The following NRG3 variants were observed in gnomAD, a reference collection of about 807,000 sequenced individuals.
NRG3 encodes the protein neuregulin 3.
NRG3 carries 31 observed loss-of-function variants against 66.9 expected under a neutral mutation model. The observed-to-expected ratio is 0.46, with a 90% CI of 0.35 to 0.63. The LOEUF is 0.63. Among genes scored for constraint, NRG3 ranks in the 20% least tolerant of loss-of-function variants. The pLI, the probability that NRG3 is intolerant of heterozygous loss-of-function variation, is 0.00. For missense variants in NRG3, 910 were observed against 878.9 expected (o/e 1.04, Z -0.45); for synonymous variants, 393 against 359.4 (o/e 1.09, Z -1.06).
chr10:82,377,695 C>T (rs1378884486), intron 2 of NRG3, among the ~76,000 whole-genome samples: 2 of 152,070 alleles, frequency 1.3e-5, no homozygotes, highest in African/African-American at 4.8e-5. Context: ...GTGACCCAGG[C>T]TTAAATCTAA....
intron 4 of NRG3, among the ~76,000 whole-genome samples, chr10:82,867,797 C>T (rs890950670): frequency 2.6e-5 from 4 of 152,048 alleles, no homozygotes; most frequent in African/African-American, 9.7e-5. Context: ...GAGTCATGGG[C>T]CACAAATTAC....
intron 3 of NRG3, among the ~76,000 whole-genome samples, chr10:82,790,870 T>C (rs1332091273): frequency 1.3e-5 from 2 of 151,916 alleles, no homozygotes; most frequent in Non-Finnish European, 2.9e-5. Flanking sequence ...TGAACCCCTC[T>C]AGTGAACTTA....
chr10:82,660,501 G>C (rs552373173), intron 2 of NRG3, among the ~76,000 whole-genome samples: 4 of 152,206 alleles, frequency 2.6e-5, no homozygotes, highest in South Asian at 4.1e-4. Flanking sequence ...CATTAAAATT[G>C]CTTTTGCAAG....
intron 1 of NRG3, among the ~76,000 whole-genome samples, chr10:82,043,977 A>G (rs1344334655): frequency 6.6e-6 from 1 of 152,048 alleles, no homozygotes; most frequent in Non-Finnish European, 1.5e-5. Context: ...GACTAATAAA[A>G]ACAAGTAAGG....
intron 2 of NRG3, among the ~76,000 whole-genome samples, chr10:82,474,224 G>A (rs1049310637): frequency 6.6e-6 from 1 of 151,684 alleles, no homozygotes; most frequent in Non-Finnish European, 1.5e-5. Context: ...ATGAATGCAT[G>A]GTCCATTCAA....
chr10:82,852,928 C>G (rs970355735), intron 3 of NRG3, among the ~76,000 whole-genome samples: 12 of 152,126 alleles, frequency 7.9e-5, no homozygotes, highest in Non-Finnish European at 1.5e-4. Context: ...ACAATAGTTT[C>G]CTCCATTGCA....
At chr10:82,689,670 A>T (rs75129542) in intron 2 of NRG3, among the ~76,000 whole-genome samples, 4,131 of 152,282 alleles carry the variant, frequency 0.027, 194 homozygotes, top group African/African-American at 0.094. Flanking sequence ...GAGAATACTC[A>T]ATTATGTACT....
intron 2 of NRG3, among the ~76,000 whole-genome samples, chr10:82,566,007 A>G (rs913382470): frequency 2.6e-5 from 4 of 152,086 alleles, no homozygotes; most frequent in African/African-American, 9.7e-5. Flanking sequence ...AGCAGTTGAC[A>G]TAACTAGTGA....
At chr10:82,101,496 A>G (rs2066719125) in intron 1 of NRG3, among the ~76,000 whole-genome samples, 1 of 151,876 alleles carries the variant, frequency 6.6e-6, no homozygotes, top group Non-Finnish European at 1.5e-5. Flanking sequence ...TGCAAATATT[A>G]ATTTAGCTGT....
chr10:82,770,766 C>T (rs2059685481), intron 3 of NRG3, among the ~76,000 whole-genome samples: 1 of 152,110 alleles, frequency 6.6e-6, no homozygotes, highest in Non-Finnish European at 1.5e-5. Flanking sequence ...TGGCAGGAAA[C>T]TCATTGTCCT....
intron 1 of NRG3, among the ~76,000 whole-genome samples, chr10:82,238,179 C>G (rs547104068): frequency 6.6e-6 from 1 of 152,084 alleles, no homozygotes; most frequent in Non-Finnish European, 1.5e-5. Flanking sequence ...TTGTCCATAG[C>G]TCATGAATAT....
chr10:82,094,589 T>A (rs1462436677), intron 1 of NRG3, among the ~76,000 whole-genome samples: 2 of 152,176 alleles, frequency 1.3e-5, no homozygotes, highest in Non-Finnish European at 2.9e-5. Context: ...TCAATCTAAG[T>A]GTCCATCAAT....
At chr10:81,935,172 A>AGG (rs1481031697) in intron 1 of NRG3, among the ~76,000 whole-genome samples, 1 of 152,200 alleles carries the variant, frequency 6.6e-6, no homozygotes, top group Non-Finnish European at 1.5e-5. Context: ...CCAGATAAAT[A>AGG]TGGAATTCGC....
At chr10:82,414,389 C>G (rs1308070952) in intron 2 of NRG3, among the ~76,000 whole-genome samples, 2 of 151,844 alleles carry the variant, frequency 1.3e-5, no homozygotes, top group Non-Finnish European at 2.9e-5. Flanking sequence ...TGTGCTGCAC[C>G]AAGACATTTA....
chr10:81,969,800 T>TGC (rs1424739798), intron 1 of NRG3, among the ~76,000 whole-genome samples: 59 of 149,964 alleles, frequency 3.9e-4, no homozygotes, highest in African/African-American at 1.2e-3. Flanking sequence ...TGTGTGTGTG[T>TGC]GCACATGCAC....
chr10:81,973,919 C>A (rs1374381779), intron 1 of NRG3, among the ~76,000 whole-genome samples: 2 of 152,024 alleles, frequency 1.3e-5, no homozygotes, highest in African/African-American at 4.8e-5. Context: ...TAATTAGATC[C>A]CATTTGTCAA....
chr10:82,642,958 T>A (rs1181891515), intron 2 of NRG3, among the ~76,000 whole-genome samples: 1 of 152,088 alleles, frequency 6.6e-6, no homozygotes, highest in African/African-American at 2.4e-5. Flanking sequence ...AAAATGTGTA[T>A]GGATAAAGTG....
chr10:82,405,185 A>G (rs1175159146), intron 2 of NRG3, among the ~76,000 whole-genome samples: 1 of 152,152 alleles, frequency 6.6e-6, no homozygotes, highest in Non-Finnish European at 1.5e-5. Flanking sequence ...GGCAAGTCAC[A>G]TATTATATTA....
In NRG3 at chr10:82,254,582, A is replaced by G. The variant is rs138797290; in HGVS notation, c.824-104157A>G. Among the ~76,000 whole-genome samples the G allele has an allele frequency of 3.0e-3, 455 of 152,284 alleles. 1 individual carries two copies. The highest frequency in any genetic ancestry group is 0.01 in the African/African-American group (418 of 41,568). On this transcript the variant is annotated intron_variant, in intron 1 of 8. Transcript: ENST00000372141. ...TGATTCTAGGGTTAAAGCAAGAAATATATATTTACCTATATGAACCTGGAG... is the reference window on the plus strand; with the variant it reads ...TGATTCTAGGGTTAAAGCAAGAAATGTATATTTACCTATATGAACCTGGAG...
Sources: allele counts gnomAD v4.1 joint callset (sites outside exome capture counted in the v4.1 genomes callset), GRCh38; gene constraint gnomAD v4.1.1; transcripts MANE v1.5; gene names NCBI Gene and HGNC (gene_info 2026-07-23, HGNC 2026-07-21).